Variants in CADM2 observed in about 807,000 individuals in gnomAD.
CADM2 encodes the protein immunoglobulin superfamily member 4D.
CADM2 carries 12 observed loss-of-function variants against 49.8 expected under a neutral mutation model. The observed-to-expected ratio is 0.24, with a 90% CI of 0.15 to 0.39. CADM2 has a LOEUF of 0.39. CADM2 is among the 10% of genes least tolerant of loss of function. The pLI is 1.00. For synonymous variants in CADM2, 214 were observed against 175.4 expected (o/e 1.22, Z -1.74); for missense variants, 378 against 492.3 (o/e 0.77, Z 2.20).
At chr3:86,012,836 G>T (rs1284073741) in intron 8 of CADM2, 3 of 532,252 alleles carry the variant, frequency 5.6e-6, no homozygotes, top group East Asian at 3.6e-5. Context: ...TTAGCCGGGA[G>T]CGGTGGCGGG....
At chr3:85,313,745 A>T (rs1257828010) in intron 1 of CADM2, among the ~76,000 whole-genome samples, 2 of 152,186 alleles carry the variant, frequency 1.3e-5, no homozygotes, top group Non-Finnish European at 2.9e-5. Context: ...AACTGATGGG[A>T]ATTAATTCTT....
chr3:85,171,332 A>G (rs1559701437), intron 1 of CADM2, among the ~76,000 whole-genome samples: 1 of 152,214 alleles, frequency 6.6e-6, no homozygotes, highest in Non-Finnish European at 1.5e-5. Flanking sequence ...ACTTTATTCT[A>G]TTAAATCAAA....
At chr3:86,044,592 A>C (rs1344369497) in intron 8 of CADM2, among the ~76,000 whole-genome samples, 1 of 152,178 alleles carries the variant, frequency 6.6e-6, no homozygotes, top group Non-Finnish European at 1.5e-5. Flanking sequence ...GAGAAATAGG[A>C]ACACTTTTAC....
chr3:85,574,421 C>G (rs1010333065), intron 1 of CADM2, among the ~76,000 whole-genome samples: 4 of 152,170 alleles, frequency 2.6e-5, no homozygotes, highest in Admixed American at 6.6e-5. Context: ...TTGGTGTGTT[C>G]TCTTCATTTT....
At chr3:84,996,482 AC>A (rs1415382589) in intron 1 of CADM2, among the ~76,000 whole-genome samples, 106 of 152,220 alleles carry the variant, frequency 7.0e-4, no homozygotes, top group African/African-American at 2.4e-3. Context: ...AAAAGGGAAA[AC>A]TAAATTCTGA....
At chr3:85,950,018 A>G (rs962151646) in intron 7 of CADM2, among the ~76,000 whole-genome samples, 15 of 151,164 alleles carry the variant, frequency 9.9e-5, no homozygotes, top group Non-Finnish European at 2.2e-4. Context: ...ATTCTGAGAA[A>G]TGCACACTCA....
chr3:85,596,864 G>A (rs2107370246), intron 1 of CADM2, among the ~76,000 whole-genome samples: 1 of 152,062 alleles, frequency 6.6e-6, no homozygotes, highest in Non-Finnish European at 1.5e-5. Context: ...CTACAGGCAT[G>A]CCCCACCACG....
At chr3:85,817,398 A>T (rs1193343558) in intron 3 of CADM2, among the ~76,000 whole-genome samples, 3 of 141,618 alleles carry the variant, frequency 2.1e-5, no homozygotes, top group African/African-American at 7.9e-5. Context: ...CCCATCAAAT[A>T]CACATAGTCC....
intron 1 of CADM2, among the ~76,000 whole-genome samples, chr3:85,199,473 A>T (rs9848568): frequency 0.57 from 81,609 of 143,894 alleles, 22,837 homozygotes; most frequent in Admixed American, 0.66. Flanking sequence ...TAATTTCAAA[A>T]TTTTTTTTTT....
rs140903456 is a variant in CADM2 at position 85,883,436 on chromosome 3, C to A, written c.384C>A (p.Thr128=). Residue 128 remains threonine, a synonymous_variant, in exon 4 of 10, where the codon ACC becomes ACA. Transcript: ENST00000383699. ...TCAAAACTTCCAAGGCATATCTCAC[C>A]GTTCTGGGTAAGTGCAAGGGACTAA... ...MPVKTSKAYL[T]VLGVPEKPQI... The A allele has an allele frequency of 1.2e-6, 2 of 1,613,260 alleles. No homozygotes were observed. The highest frequency in any genetic ancestry group is 3.3e-5 in the Admixed American group (2 of 59,972).
chr3:85,295,116 A>C lies in CADM2; in HGVS notation c.61+335448A>C, dbSNP rs192901725. 2.7e-3 allele frequency among the ~76,000 whole-genome samples: 406 copies of C among 152,354 alleles called. 2 individuals carry two copies. Among genetic ancestry groups the C allele is most frequent in the Non-Finnish European group, 4.2e-3 (286 of 68,038 alleles). On this transcript the variant is annotated intron_variant, in intron 1 of 9. Coordinates refer to ENST00000383699, the MANE Select transcript of CADM2 (RefSeq NM_001167675.2). ...GAAGAAAAAAACAAACAACCCCATC[A>C]AAAAGTGGGCAAAGGACATGAACAG...
At chr3:85,946,124 A>G (rs1722657147) in intron 7 of CADM2, among the ~76,000 whole-genome samples, 1 of 152,132 alleles carries the variant, frequency 6.6e-6, no homozygotes, top group Non-Finnish European at 1.5e-5. Context: ...AAGCATTCTT[A>G]TATACCAATA....
chr3:85,375,353 G>A (rs1042273451), intron 1 of CADM2, among the ~76,000 whole-genome samples: 1 of 152,128 alleles, frequency 6.6e-6, no homozygotes, highest in Admixed American at 6.6e-5. Flanking sequence ...TCAAGAAGGA[G>A]CCTAAACACA....
intron 2 of CADM2, among the ~76,000 whole-genome samples, chr3:85,792,910 T>C (rs756670479): frequency 2.0e-5 from 3 of 152,168 alleles, no homozygotes; most frequent in Non-Finnish European, 4.4e-5. Context: ...AGAGTGGCCA[T>C]AATTTTAGAA....
chr3:85,759,376 G>A (rs778900401), intron 2 of CADM2, among the ~76,000 whole-genome samples: 6 of 151,998 alleles, frequency 3.9e-5, no homozygotes, highest in Non-Finnish European at 7.4e-5. Flanking sequence ...TACTATATAA[G>A]CATTTTACTT....
intron 1 of CADM2, among the ~76,000 whole-genome samples, chr3:85,421,535 T>C (rs2036172442): frequency 6.6e-6 from 1 of 152,178 alleles, no homozygotes; most frequent in South Asian, 2.1e-4. Context: ...TACTAAAAAT[T>C]ATTCTTTTGT....
chr3:85,802,279 A>G, intron 3 of CADM2, 83 bp downstream of exon 3: 1 of 1,230,468 alleles, frequency 8.1e-7, no homozygotes, highest in Non-Finnish European at 1.1e-6. Flanking sequence ...AGATGATTCA[A>G]ACTATTCCTT....
Position 85,270,710 on chromosome 3 carries a change from G to C in CADM2, c.61+311042G>C, listed in dbSNP as rs72919217. Among the ~76,000 whole-genome samples, 917 of 151,226 alleles carry C rather than the reference G, an allele frequency of 6.1e-3. 14 individuals carry two copies. The highest frequency in any genetic ancestry group is 0.021 in the African/African-American group (853 of 41,370). On this transcript the variant is annotated intron_variant, in intron 1 of 9. Transcript: ENST00000383699. ...GGAACTCGAATATCTGGTTCCCATT[G>C]TTTGTCCAAGGGCATAAAAAAGCTC...
At chr3:85,640,697 G>A (rs1333350708) in intron 1 of CADM2, among the ~76,000 whole-genome samples, 1 of 152,084 alleles carries the variant, frequency 6.6e-6, no homozygotes, top group Non-Finnish European at 1.5e-5. Context: ...AGGTAGCAAG[G>A]GATCAGCATA....
Sources: gnomAD v4.1 joint callset for allele counts (sites outside exome capture counted in the v4.1 genomes callset) on GRCh38, gnomAD v4.1.1 for gene constraint, MANE v1.5 for transcripts, NCBI Gene and HGNC (gene_info 2026-07-23, HGNC 2026-07-21) for gene names.